Variants in RARB observed in about 807,000 individuals in gnomAD.
RARB encodes HBV-activated protein.
A neutral mutation model predicts 51.9 loss-of-function variants in RARB; 17 were observed. That is an observed-to-expected ratio of 0.33 (90% confidence interval 0.22 to 0.49). RARB has a LOEUF of 0.49. RARB is among the 20% of genes least tolerant of loss of function. The pLI is 0.99. For missense variants in RARB, 369 were observed against 550.8 expected (o/e 0.67, Z 3.30); for synonymous variants, 215 against 195.4 (o/e 1.10, Z -0.84).
intron 5 of RARB, among the ~76,000 whole-genome samples, chr3:25,286,011 C>T (rs778334215): frequency 2.6e-5 from 4 of 151,622 alleles, no homozygotes; most frequent in Non-Finnish European, 5.9e-5. Flanking sequence ...TTCCTTAAAC[C>T]ATTTGTGTCA....
intron 2 of RARB, among the ~76,000 whole-genome samples, chr3:24,894,277 G>A (rs368863399): frequency 8.2e-4 from 39 of 47,682 alleles, no homozygotes; most frequent in African/African-American, 2.6e-3. Context: ...CCCCGCCCCC[G>A]CCCTGCCTCT....
chr3:24,830,169 G>T (rs1559365730), intron 1 of RARB, among the ~76,000 whole-genome samples: 1 of 152,124 alleles, frequency 6.6e-6, no homozygotes, highest in Non-Finnish European at 1.5e-5. Flanking sequence ...CTGTGTGCGC[G>T]CTTTGGCAGG....
chr3:25,358,118 A>G (rs1282241789), intron 5 of RARB, among the ~76,000 whole-genome samples: 1 of 152,094 alleles, frequency 6.6e-6, no homozygotes, highest in Non-Finnish European at 1.5e-5. Context: ...ATGAGCATGG[A>G]GTGTTTTTCC....
intron 2 of RARB, among the ~76,000 whole-genome samples, chr3:24,993,126 C>T (rs1485904462): frequency 2.6e-5 from 4 of 152,078 alleles, no homozygotes; most frequent in Admixed American, 2.0e-4. Context: ...AACACACATT[C>T]ACTTTTTTCT....
intron 2 of RARB, among the ~76,000 whole-genome samples, chr3:24,899,368 A>C (rs995197890): frequency 3.9e-5 from 6 of 152,184 alleles, no homozygotes; most frequent in Non-Finnish European, 7.3e-5. Flanking sequence ...TCGGCAGCCT[A>C]GAATAGGTAC....
chr3:25,097,815 A>G (rs956590223), intron 3 of RARB, among the ~76,000 whole-genome samples: 15 of 152,076 alleles, frequency 9.9e-5, no homozygotes, highest in Non-Finnish European at 1.8e-4. Context: ...CTCCTTCGGG[A>G]GTGTATTTTT....
intron 2 of RARB, chr3:25,462,377 C>A (rs1188073762): frequency 1.3e-5 from 2 of 152,210 alleles, no homozygotes; most frequent in African/African-American, 4.8e-5. Context: ...CTCAAAGGAA[C>A]TATGGCTGTT....
intron 2 of RARB, among the ~76,000 whole-genome samples, chr3:24,895,890 A>G (rs976292455): frequency 6.6e-6 from 1 of 152,212 alleles, no homozygotes; most frequent in Admixed American, 6.5e-5. Context: ...GAAAGCAGGG[A>G]TTCAAACAGA....
At chr3:25,247,760 C>T (rs140657821) in intron 5 of RARB, among the ~76,000 whole-genome samples, 1 of 152,216 alleles carries the variant, frequency 6.6e-6, no homozygotes, top group African/African-American at 2.4e-5. Flanking sequence ...GGAGCTGTTC[C>T]TATTTGGCCA....
intron 5 of RARB, among the ~76,000 whole-genome samples, chr3:25,382,760 A>T (rs1224862102): frequency 6.6e-6 from 1 of 152,186 alleles, no homozygotes; most frequent in Non-Finnish European, 1.5e-5. Flanking sequence ...CGGGAGGCTG[A>T]GGCAGGAGAA....
At chr3:25,220,005 T>C (rs992161019) in intron 5 of RARB, among the ~76,000 whole-genome samples, 4 of 152,216 alleles carry the variant, frequency 2.6e-5, no homozygotes, top group Non-Finnish European at 4.4e-5. Flanking sequence ...CCTTTTGTTC[T>C]AAAGACAGTT....
chr3:25,400,499 T>C (rs2125493957), intron 5 of RARB, among the ~76,000 whole-genome samples: 1 of 152,268 alleles, frequency 6.6e-6, no homozygotes, highest in South Asian at 2.1e-4. Flanking sequence ...AAAGAAGGTC[T>C]CAATATTCTC....
chr3:25,257,166 T>A (rs1039267814), intron 5 of RARB, among the ~76,000 whole-genome samples: 1 of 152,112 alleles, frequency 6.6e-6, no homozygotes, highest in Admixed American at 6.6e-5. Context: ...CATGACTCAG[T>A]AATGTGGTAT....
At chr3:25,509,936 C>T (rs1411649641) in intron 3 of RARB, among the ~76,000 whole-genome samples, 1 of 152,206 alleles carries the variant, frequency 6.6e-6, no homozygotes, top group Non-Finnish European at 1.5e-5. Context: ...CCGTCATGTC[C>T]CTTCTCCCAA....
chr3:25,465,347 G>C (rs188362929), intron 2 of RARB, among the ~76,000 whole-genome samples: 9 of 152,280 alleles, frequency 5.9e-5, no homozygotes, highest in East Asian at 1.9e-4. Flanking sequence ...TAGGCCCCTT[G>C]TTGACCGGTA....
In RARB at chr3:25,327,308, T is replaced by C. The variant is rs561002256; in HGVS notation, c.179-133885T>C. Among the ~76,000 whole-genome samples the C allele has an allele frequency of 1.8e-3, 267 of 152,252 alleles. 1 individual carries two copies. Among genetic ancestry groups the C allele is most frequent in the African/African-American group, 5.9e-3 (245 of 41,544 alleles). The stretch of plus-strand genomic sequence containing the variant: ...AGGGCAAGATGTCTGGGTACAGTTA[T>C]TGAAAAATTTTTTAAAAAGATTCAC... On this transcript the variant is annotated intron_variant, in intron 5 of 11. Transcript: ENST00000383772.
At chr3:25,218,845 C>T (rs560443002) in intron 5 of RARB, among the ~76,000 whole-genome samples, 5 of 152,140 alleles carry the variant, frequency 3.3e-5, no homozygotes, top group East Asian at 1.9e-4. Context: ...GACTAACACT[C>T]GACTTTGCTT....
At chr3:25,135,123 T>C (rs1700012611) in intron 4 of RARB, among the ~76,000 whole-genome samples, 1 of 151,604 alleles carries the variant, frequency 6.6e-6, no homozygotes, top group African/African-American at 2.4e-5. Flanking sequence ...AAGCACACTA[T>C]CCAGAAAAAC....
intron 2 of RARB, among the ~76,000 whole-genome samples, chr3:25,011,816 G>A (rs1031314628): frequency 6.6e-6 from 1 of 151,970 alleles, no homozygotes; most frequent in Non-Finnish European, 1.5e-5. Context: ...GTGTATCTAA[G>A]GCAAAGTAGG....
Sources: gnomAD v4.1 joint callset for allele counts (sites outside exome capture counted in the v4.1 genomes callset) on GRCh38, gnomAD v4.1.1 for gene constraint, MANE v1.5 for transcripts, NCBI Gene and HGNC (gene_info 2026-07-23, HGNC 2026-07-21) for gene names.